Variants in MID1 observed in about 807,000 individuals in gnomAD.
MID1 encodes E3 ubiquitin-protein ligase Midline-1.
Under a neutral mutation model 40.4 loss-of-function variants are expected in MID1, and 7 were observed. That is an observed-to-expected ratio of 0.17 (90% CI 0.10 to 0.33). The LOEUF is 0.33. Among genes scored for constraint, MID1 ranks in the 10% least tolerant of loss-of-function variants. The pLI is 1.00. For missense variants in MID1, 367 were observed against 558.5 expected (o/e 0.66, Z 3.46); for synonymous variants, 229 against 221.2 (o/e 1.04, Z -0.31).
chrX:10,533,958 G>A lies in MID1; in HGVS notation c.661-10771C>T, dbSNP rs143302940. ...TGAGTTTTAAGTGCCGACTGGATAA[G>A]GAATTACTCATTGATTGCTATCTTC... On this transcript the variant is annotated intron_variant, in intron 2 of 9. Coordinates refer to ENST00000317552, the MANE Select transcript of MID1 (RefSeq NM_000381.4). 7.3e-3 allele frequency among the ~76,000 whole-genome samples: 811 copies of A among 110,446 alleles called. 13 individuals are homozygous for A. Among genetic ancestry groups the A allele is most frequent in the African/African-American group, 0.025 (765 of 30,422 alleles).
chrX:10,798,884 G>A (rs1452014191), intron 1 of MID1, among the ~76,000 whole-genome samples: 1 of 111,757 alleles, frequency 8.9e-6, no homozygotes, highest in Non-Finnish European at 1.9e-5. Context: ...CTATCCTGGG[G>A]CCAAATAGAA....
chrX:10,460,473 G>T lies in MID1; in HGVS notation c.1286-666C>A, dbSNP rs150725042. 6.5e-3 allele frequency among the ~76,000 whole-genome samples: 730 copies of T among 111,737 alleles called. 7 individuals carry two copies. Among genetic ancestry groups the T allele is most frequent in the African/African-American group, 0.022 (682 of 30,763 alleles). On this transcript the variant is annotated intron_variant, in intron 7 of 9. Coordinates refer to ENST00000317552, the MANE Select transcript of MID1 (RefSeq NM_000381.4). ...GTATTTATGATGCTTGGAAGAATAT[G>T]TAGGAAAAGGAAGCCCATCTTGTTT...
At chrX:10,533,399 G>GAA (rs1569089963) in intron 2 of MID1, among the ~76,000 whole-genome samples, 1 of 71,970 alleles carries the variant, frequency 1.4e-5, no homozygotes, top group African/African-American at 5.4e-5. Context: ...AGAAAAGAAA[G>GAA]AAAGAAAGAA....
intron 1 of MID1, among the ~76,000 whole-genome samples, chrX:10,640,995 C>T (rs1279798535): frequency 5.4e-5 from 6 of 111,880 alleles, no homozygotes; most frequent in Non-Finnish European, 1.1e-4. Context: ...ATACCAGAAT[C>T]TCTGGGACAC....
At chrX:10,702,919 G>A (rs2043201779) in intron 1 of MID1, among the ~76,000 whole-genome samples, 1 of 111,535 alleles carries the variant, frequency 9.0e-6, no homozygotes, top group South Asian at 3.8e-4. Context: ...TCTCCACGAG[G>A]ACACACTGTG....
At chrX:10,457,680 C>T (rs1247458863) in intron 8 of MID1, among the ~76,000 whole-genome samples, 1 of 112,110 alleles carries the variant, frequency 8.9e-6, no homozygotes, top group Non-Finnish European at 1.9e-5. Flanking sequence ...TTCAATCTCT[C>T]CACCAATCAT....
intron 3 of MID1, 126 bp downstream of exon 3, chrX:10,522,966 G>T: frequency 1.8e-6 from 1 of 558,005 alleles, no homozygotes; most frequent in Non-Finnish European, 3.0e-6. Flanking sequence ...TTTTATTTTG[G>T]CTTTTGCAAA....
chrX:10,814,576 GGTGT>G (rs60218622), intron 1 of MID1, among the ~76,000 whole-genome samples: 184 of 101,733 alleles, frequency 1.8e-3, no homozygotes, highest in South Asian at 2.8e-3. Flanking sequence ...TGCTTGTACT[GGTGT>G]GTGTGTGTGT....
intron 2 of MID1, among the ~76,000 whole-genome samples, chrX:10,533,404 AAAG>A (rs1251701839): frequency 6.0e-4 from 56 of 94,105 alleles, no homozygotes; most frequent in Non-Finnish European, 8.2e-4. Flanking sequence ...AGAAAGAAAG[AAAG>A]AAAGAAAGAA....
chrX:10,588,161 A>C (rs1935181839), intron 1 of MID1, among the ~76,000 whole-genome samples: 1 of 112,346 alleles, frequency 8.9e-6, no homozygotes, highest in Admixed American at 9.4e-5. Flanking sequence ...CAAAACAATA[A>C]TTTTTTTAAC....
At chrX:10,637,098 T>C (rs1936127347) in intron 1 of MID1, among the ~76,000 whole-genome samples, 1 of 108,318 alleles carries the variant, frequency 9.2e-6, no homozygotes. Flanking sequence ...TCTTATAATC[T>C]AACTTGTATC....
chrX:10,587,003 C>T (rs1172165650), intron 1 of MID1, among the ~76,000 whole-genome samples: 4 of 112,702 alleles, frequency 3.5e-5, no homozygotes, highest in Admixed American at 2.8e-4. Context: ...TTTTTATTAA[C>T]TGTCATCTAC....
chrX:10,478,780 C>T (rs141107268), intron 5 of MID1, among the ~76,000 whole-genome samples: 30 of 112,283 alleles, frequency 2.7e-4, no homozygotes, highest in African/African-American at 7.4e-4. Context: ...GACATATCCA[C>T]TTTAAGTCGC....
chrX:10,610,349 C>T (rs1244181972), intron 1 of MID1, among the ~76,000 whole-genome samples: 1 of 112,275 alleles, frequency 8.9e-6, no homozygotes, highest in Non-Finnish European at 1.9e-5. Context: ...CTGATGAACA[C>T]AACGTTTTTC....
intron 1 of MID1, among the ~76,000 whole-genome samples, chrX:10,730,775 C>T (rs1234529882): frequency 1.8e-5 from 2 of 109,456 alleles, no homozygotes; most frequent in African/African-American, 6.6e-5. Context: ...GGGGTTTCAC[C>T]GTATTAGCCA....
rs745321271 is a variant in MID1 at position 10,572,531 on chromosome X, AC to A, written c.-56-4929del. Among the ~76,000 whole-genome samples, 40 of 110,888 alleles carry A rather than the reference AC, an allele frequency of 3.6e-4. No homozygotes were observed. The East Asian group carries it at 9.8e-3, about 27-fold the overall frequency. On this transcript the variant is annotated intron_variant, in intron 1 of 9. Transcript: ENST00000317552. Reference sequence around the variant, plus strand: ...ATGCCACTGCACTCCAGCCTGGGCAACAGAGCAAGACTCTGTCTCAAAACAA... The same window carrying A: ...ATGCCACTGCACTCCAGCCTGGGCAAAGAGCAAGACTCTGTCTCAAAACAA...
chrX:10,739,880 A>T (rs1296341991), intron 1 of MID1, among the ~76,000 whole-genome samples: 1 of 112,453 alleles, frequency 8.9e-6, no homozygotes, highest in Non-Finnish European at 1.9e-5. Context: ...ATGTAGCCAC[A>T]ACATTTTAGA....
intron 1 of MID1, among the ~76,000 whole-genome samples, chrX:10,804,826 CT>C (rs2044032155): frequency 9.0e-6 from 1 of 111,502 alleles, no homozygotes; most frequent in African/African-American, 3.3e-5. Flanking sequence ...CTGGTAAATT[CT>C]TTTCCCTTGT....
intron 1 of MID1, among the ~76,000 whole-genome samples, chrX:10,704,699 T>C (rs2043213827): frequency 1.0e-5 from 1 of 97,734 alleles, no homozygotes; most frequent in African/African-American, 3.7e-5. Flanking sequence ...TGTGTATATA[T>C]ATGCATGTGT....
Sources: allele counts gnomAD v4.1 joint callset (sites outside exome capture counted in the v4.1 genomes callset), GRCh38; gene constraint gnomAD v4.1.1; transcripts MANE v1.5; gene names NCBI Gene and HGNC (gene_info 2026-07-23, HGNC 2026-07-21).